The following DNAAF4 variants were observed in gnomAD, a reference collection of about 807,000 sequenced individuals.
The protein encoded by DNAAF4 is dynein assembly factor 4, axonemal.
A neutral mutation model predicts 51.8 loss-of-function variants in DNAAF4; 43 were observed. That is an observed-to-expected ratio of 0.83 (90% CI 0.65 to 1.07). The LOEUF (loss-of-function observed/expected upper bound fraction) is 1.07, where lower values mean the gene tolerates loss of function less well. DNAAF4 is among the 50% of genes least tolerant of loss of function. DNAAF4 has a pLI of 0.00. For synonymous variants in DNAAF4, 194 were observed against 165.6 expected (o/e 1.17, Z -1.32); for missense variants, 581 against 493.0 (o/e 1.18, Z -1.69).
chr15:55,486,769 C>A (rs2058495545), intron 4 of DNAAF4, among the ~76,000 whole-genome samples: 1 of 150,560 alleles, frequency 6.6e-6, no homozygotes, highest in Non-Finnish European at 1.5e-5. Context: ...GGCAACAGAC[C>A]CTGTCTCAAA....
At chr15:55,505,971 T>C (rs1203816923) in intron 1 of DNAAF4, among the ~76,000 whole-genome samples, 1 of 152,180 alleles carries the variant, frequency 6.6e-6, no homozygotes, top group Non-Finnish European at 1.5e-5. Flanking sequence ...TCTGTTATCT[T>C]ATGGGTGACA....
At chr15:55,442,405 C>G (rs2057728791) in intron 6 of DNAAF4, among the ~76,000 whole-genome samples, 1 of 152,190 alleles carries the variant, frequency 6.6e-6, no homozygotes, top group African/African-American at 2.4e-5. Flanking sequence ...AGGCGTGAGC[C>G]ACAGCGCCCT....
intron 4 of DNAAF4, among the ~76,000 whole-genome samples, chr15:55,480,297 CAGAA>C (rs2058391315): frequency 6.6e-6 from 1 of 152,040 alleles, no homozygotes; most frequent in Admixed American, 6.6e-5. Context: ...TTATGGAAAA[CAGAA>C]AGAACCTACG....
intron 4 of DNAAF4, among the ~76,000 whole-genome samples, chr15:55,484,573 A>C (rs545289976): frequency 6.6e-6 from 1 of 152,276 alleles, no homozygotes; most frequent in South Asian, 2.1e-4. Flanking sequence ...ATTGAAAGCA[A>C]GATTTCAAAG....
Position 55,483,833 on chromosome 15 carries a change from C to CTTTTT in DNAAF4, c.405+7285_405+7289dup, listed in dbSNP as rs71105887. ...GAGCCATCACACCCAGCCAATAAAG[C>CTTTTT]TTTTTTTTTTTTTTTTTTTTTTTTT... is the stretch of plus-strand genomic sequence containing the variant. On this transcript the variant is annotated intron_variant, in intron 4 of 9. Transcript: ENST00000321149. Among the ~76,000 whole-genome samples the CTTTTT allele has an allele frequency of 4.9e-3, 408 of 82,430 alleles. 86 individuals carry two copies. Among genetic ancestry groups the CTTTTT allele is most frequent in the Admixed American group, 6.9e-3 (42 of 6,076 alleles). 54.1% of individuals were successfully genotyped at this position (82,430 alleles called of 152,430 possible).
intron 8 of DNAAF4, among the ~76,000 whole-genome samples, chr15:55,433,168 C>A (rs73408819): frequency 0.05 from 7,659 of 151,762 alleles, 661 homozygotes; most frequent in African/African-American, 0.18. Flanking sequence ...GATGTGGTAG[C>A]GGGCACCTGT....
chr15:55,432,778 T>C (rs1189175777), intron 8 of DNAAF4, among the ~76,000 whole-genome samples, 176 bp from the exon 9 acceptor site: 1 of 148,484 alleles, frequency 6.7e-6, no homozygotes, highest in African/African-American at 2.6e-5. Context: ...AAACCCCGTC[T>C]CTACTAAAAA....
chr15:55,461,514 T>C (rs1050140473), intron 5 of DNAAF4, among the ~76,000 whole-genome samples: 5 of 152,266 alleles, frequency 3.3e-5, no homozygotes, highest in Non-Finnish European at 2.9e-5. Flanking sequence ...ATATGGAAAT[T>C]ACGTAACCTG....
At chr15:55,435,782 CT>C (rs1189888125) in intron 7 of DNAAF4, among the ~76,000 whole-genome samples, 3 of 151,776 alleles carry the variant, frequency 2.0e-5, no homozygotes, top group South Asian at 4.2e-4. Flanking sequence ...AAAGTCTTTG[CT>C]TTTTTTTGTT....
chr15:55,458,704 C>A (rs1444302446), intron 5 of DNAAF4, among the ~76,000 whole-genome samples: 1 of 152,108 alleles, frequency 6.6e-6, no homozygotes, highest in African/African-American at 2.4e-5. Context: ...CCGGGGAATT[C>A]ATTGCAAAAA....
In DNAAF4 at chr15:55,430,535, T is replaced by C; in HGVS notation, c.*135A>G. 1 of 1,291,366 alleles carries C rather than the reference T, an allele frequency of 7.7e-7. No individual in the cohort carries two copies. Among genetic ancestry groups the C allele is most frequent in the East Asian group, 3.1e-5 (1 of 32,320 alleles). The allele number at this position is 1,291,366 out of a possible 1,614,324, so 80.0% of individuals were successfully genotyped here. ...TCAAACAGTTTATTTTCTATAGATT[T>C]ATAATATTTTGCCCTCAACAGAACT... is the stretch of plus-strand genomic sequence containing the variant. On this transcript the variant is annotated 3_prime_UTR_variant, in exon 10 of 10. Transcript: ENST00000321149.
chr15:55,476,571 G>A (rs2058337834), intron 4 of DNAAF4, among the ~76,000 whole-genome samples: 1 of 152,136 alleles, frequency 6.6e-6, no homozygotes, highest in African/African-American at 2.4e-5. Flanking sequence ...AATACAAACA[G>A]ATTTTTTTAA....
intron 6 of DNAAF4, chr15:55,443,335 C>T (rs914850646): frequency 6.4e-5 from 62 of 973,798 alleles, no homozygotes; most frequent in East Asian, 1.8e-4. Flanking sequence ...CGTGCGGAGG[C>T]GCCTGGCGCA....
chr15:55,485,952 G>A lies in DNAAF4; in HGVS notation c.405+5171C>T, dbSNP rs551189427. 6.8e-5 allele frequency among the ~76,000 whole-genome samples: 9 copies of A among 132,928 alleles called. 1 individual carries two copies. In the South Asian group the frequency reaches 1.2e-3, roughly 18 times the overall value. 87.2% of individuals were successfully genotyped at this position (132,928 alleles called of 152,430 possible). On this transcript the variant is annotated intron_variant, in intron 4 of 9. Transcript: ENST00000321149. Reference sequence around the variant, plus strand: ...AGAGCTTGCAGTGAGCCAAGACTGCGCCACTGCACTCCAGCCTGGACAACA... The same window carrying A: ...AGAGCTTGCAGTGAGCCAAGACTGCACCACTGCACTCCAGCCTGGACAACA...
At chr15:55,505,000 GA>G (rs770903308) in intron 1 of DNAAF4, among the ~76,000 whole-genome samples, 1 of 151,992 alleles carries the variant, frequency 6.6e-6, no homozygotes, top group Non-Finnish European at 1.5e-5. Flanking sequence ...CAGAATGGGA[GA>G]AAATTTTTGC....
chr15:55,483,882 A>C (rs1939392787), intron 4 of DNAAF4, among the ~76,000 whole-genome samples: 1 of 133,096 alleles, frequency 7.5e-6, no homozygotes. Context: ...AAGAGAAAGC[A>C]TAGGCCAAAT....
intron 2 of DNAAF4, 67 bp from the exon 3 acceptor site, chr15:55,497,926 C>T: frequency 4.6e-6 from 7 of 1,537,448 alleles, no homozygotes; most frequent in Non-Finnish European, 6.1e-6. Flanking sequence ...TTAAGAAACA[C>T]GTGAAAAAGG....
At chr15:55,425,725 G>C (rs1008021858), downstream of DNAAF4, among the ~76,000 whole-genome samples, 2 of 152,112 alleles carry the variant, frequency 1.3e-5, no homozygotes, top group African/African-American at 2.4e-5. Flanking sequence ...AAGAGCTAAC[G>C]TGTGGAAAAT....
At chr15:55,445,407 C>G (rs2057782793) in intron 6 of DNAAF4, among the ~76,000 whole-genome samples, 2 of 152,180 alleles carry the variant, frequency 1.3e-5, no homozygotes, top group Non-Finnish European at 2.9e-5. Context: ...TTTCTTAGTA[C>G]AGAACAAAAT....
Sources: allele counts gnomAD v4.1 joint callset (sites outside exome capture counted in the v4.1 genomes callset), GRCh38; gene constraint gnomAD v4.1.1; transcripts MANE v1.5; gene names NCBI Gene and HGNC (gene_info 2026-07-23, HGNC 2026-07-21).